Variants in CDKL5 observed in about 807,000 individuals in gnomAD.
CDKL5 encodes cyclin-dependent kinase-like 5.
A neutral mutation model predicts 61.7 loss-of-function variants in CDKL5; 8 were observed. That is an observed-to-expected ratio of 0.13 (90% CI 0.08 to 0.23). The LOEUF (loss-of-function observed/expected upper bound fraction) is 0.23. Ranked by LOEUF, CDKL5 falls within the 10% of genes least tolerant of loss-of-function variation. CDKL5 has a pLI of 1.00. For synonymous variants in CDKL5, 275 were observed against 272.3 expected, an observed-to-expected ratio of 1.01 and a Z score of -0.10; for missense variants, 440 against 734.5, an observed-to-expected ratio of 0.60 and a Z score of 4.63.
intron 1 of CDKL5, among the ~76,000 whole-genome samples, chrX:18,504,177 C>G (rs1367519576): frequency 9.0e-6 from 1 of 111,494 alleles, no homozygotes; most frequent in Non-Finnish European, 1.9e-5. Flanking sequence ...GCAATCACAG[C>G]TCACTGCAGC....
rs746374375 is a variant in CDKL5 at position 18,647,228 on chromosome X, T to G, written c.2797+1138T>G. The G allele has an allele frequency of 8.3e-7, 1 of 1,211,050 alleles. No homozygotes were observed. Among genetic ancestry groups the G allele is most frequent in the Admixed American group, 2.2e-5 (1 of 45,926 alleles). ...CTGTTGAGCCGGGCCTTGTTTGCAG[T>G]CCACGAAGAATACCAGCCCACATAC... is the stretch of plus-strand genomic sequence containing the variant. On this transcript the variant is annotated intron_variant, in intron 20 of 21. Coordinates refer to the CDKL5 transcript ENST00000379989.
At chrX:18,607,532 C>T (rs749215623) in intron 12 of CDKL5, among the ~76,000 whole-genome samples, 57 of 112,187 alleles carry the variant, frequency 5.1e-4, no homozygotes, top group African/African-American at 1.6e-3. Context: ...TGGTCATAAA[C>T]GAATTATAAA....
chrX:18,445,639 G>A (rs1602194465), intron 1 of CDKL5, among the ~76,000 whole-genome samples: 1 of 110,853 alleles, frequency 9.0e-6, no homozygotes, highest in Non-Finnish European at 1.9e-5. Context: ...GGTTTCCCCC[G>A]TGCTGTTCCT....
rs1927362474 is a variant in CDKL5, at chrX:18,635,560, T to A, written c.*6803T>A. ...AATCAGTTTGAGACAGAAATTAATG[T>A]AAAACTAGGCAAATCCTGTAACTTA... On this transcript the variant is annotated 3_prime_UTR_variant, in exon 18 of 18. Coordinates refer to ENST00000623535, the MANE Select transcript of CDKL5 (RefSeq NM_001323289.2). 1.3e-6 allele frequency: 1 copy of A among 749,796 alleles called. No individual in the cohort carries two copies. Among genetic ancestry groups the A allele is most frequent in the African/African-American group, 2.3e-5 (1 of 43,347 alleles). 61.8% of individuals were successfully genotyped at this position (749,796 alleles called of 1,213,427 possible).
chrX:18,613,117 A>G (rs1368549501), intron 14 of CDKL5, 35 bp from the exon 15 acceptor site: 4 of 1,107,231 alleles, frequency 3.6e-6, no homozygotes, highest in South Asian at 2.0e-5. Flanking sequence ...AAAAAAAAGA[A>G]AAGTCCATCA....
chrX:18,509,770 A>G (rs1922758442), intron 2 of CDKL5, among the ~76,000 whole-genome samples: 1 of 111,112 alleles, frequency 9.0e-6, no homozygotes, highest in Non-Finnish European at 1.9e-5. Context: ...GCCTTTGTGC[A>G]TGAACTGAGT....
At chrX:18,428,123 T>G (rs1410295299) in intron 1 of CDKL5, among the ~76,000 whole-genome samples, 2 of 111,932 alleles carry the variant, frequency 1.8e-5, no homozygotes, top group Admixed American at 9.6e-5. Context: ...ACTTTGAAGG[T>G]ACAGTATTGT....
chrX:18,605,717 T>C (rs1926342478), intron 12 of CDKL5, among the ~76,000 whole-genome samples: 1 of 112,988 alleles, frequency 8.9e-6, no homozygotes, highest in Admixed American at 9.3e-5. Flanking sequence ...ACAAAGTAAG[T>C]GTCTAACAAA....
intron 7 of CDKL5, 60 bp downstream of exon 7, chrX:18,582,010 G>C: frequency 1.2e-6 from 1 of 811,806 alleles, no homozygotes. Flanking sequence ...TAACACATAG[G>C]TAGCTTTTAA....
At chrX:18,482,683 T>C (rs1398637894) in intron 1 of CDKL5, among the ~76,000 whole-genome samples, 2 of 111,165 alleles carry the variant, frequency 1.8e-5, no homozygotes, top group Admixed American at 1.9e-4. Flanking sequence ...TCTTGTTTTT[T>C]TTTTTTTTTC....
rs1169585124 is a variant in CDKL5, at chrX:18,636,368, T to TATTATC, written c.*7616_*7617insCATTAT. 1 of 102,035 alleles carries TATTATC rather than the reference T, an allele frequency of 9.8e-6. No individual in the cohort carries two copies. The highest frequency in any genetic ancestry group is 1.9e-5 in the Non-Finnish European group (1 of 51,864). 8.4% of individuals were successfully genotyped at this position (102,035 alleles called of 1,213,427 possible). A position where few individuals can be genotyped will look rare whatever the true frequency, so the allele number is the denominator to read the frequency against. ...TTATTATTATTATTATTATTATTAT[T>TATTATC]ATTATTATTATTATTTTCACAACAA... On this transcript the variant is annotated 3_prime_UTR_variant, in exon 18 of 18. Transcript: ENST00000623535.
chrX:18,484,955 C>T (rs1236425035), intron 1 of CDKL5, among the ~76,000 whole-genome samples: 2 of 110,545 alleles, frequency 1.8e-5, no homozygotes, highest in Non-Finnish European at 3.8e-5. Context: ...GCCAGGGTCT[C>T]GCCATGTTGC....
At chrX:18,470,703 G>T (rs1250532503) in intron 1 of CDKL5, among the ~76,000 whole-genome samples, 1 of 112,074 alleles carries the variant, frequency 8.9e-6, no homozygotes, top group Non-Finnish European at 1.9e-5. Context: ...AGATCCTCCT[G>T]AGGTACTGGT....
chrX:18,631,993 G>A lies in CDKL5; in HGVS notation c.*3236G>A. The A allele has an allele frequency of 1.8e-6, 1 of 560,011 alleles. No homozygotes were observed. Among genetic ancestry groups the A allele is most frequent in the Non-Finnish European group, 2.2e-6 (1 of 461,973 alleles). 46.2% of individuals were successfully genotyped at this position (560,011 alleles called of 1,213,427 possible). Reference sequence around the variant, plus strand: ...GGTGATGGTATGCTACTGGCATCAAGTGGTTAGAGGCCACAGATGCTACTA... The same window carrying A: ...GGTGATGGTATGCTACTGGCATCAAATGGTTAGAGGCCACAGATGCTACTA... On this transcript the variant is annotated 3_prime_UTR_variant, in exon 18 of 18. Coordinates refer to ENST00000623535, the MANE Select transcript of CDKL5 (RefSeq NM_001323289.2).
chrX:18,553,950 G>A (rs140306214), intron 3 of CDKL5, among the ~76,000 whole-genome samples: 8 of 110,825 alleles, frequency 7.2e-5, no homozygotes, highest in Non-Finnish European at 1.1e-4. Context: ...TACTCTTAGC[G>A]TACCATTTAA....
chrX:18,431,285 A>C (rs148298793), intron 1 of CDKL5, among the ~76,000 whole-genome samples: 1,843 of 112,264 alleles, frequency 0.016, 40 homozygotes, highest in African/African-American at 0.056. Context: ...TAATCGATTA[A>C]AATCACTTTT....
In CDKL5 at chrX:18,639,271, C is replaced by T. The variant is rs1440357676; in HGVS notation, c.*10514C>T. Among the ~76,000 whole-genome samples, 1 of 112,241 alleles carries T rather than the reference C, an allele frequency of 8.9e-6. No homozygotes were observed. Among genetic ancestry groups the T allele is most frequent in the Non-Finnish European group, 1.9e-5 (1 of 53,242 alleles). The stretch of plus-strand genomic sequence containing the variant: ...TCCACAGAATGGGAGAAAATATTTG[C>T]AAATCATATCCAATAAGGGAATTAG... On this transcript the variant is annotated 3_prime_UTR_variant, in exon 18 of 18. Transcript: ENST00000623535.
At chrX:18,576,717 T>A (rs1925308655) in intron 5 of CDKL5, among the ~76,000 whole-genome samples, 1 of 111,041 alleles carries the variant, frequency 9.0e-6, no homozygotes, top group African/African-American at 3.3e-5. Context: ...TGCTTTATGT[T>A]CCTTTTCCAG....
chrX:18,546,584 G>A (rs1038257113), intron 3 of CDKL5, among the ~76,000 whole-genome samples: 5 of 111,681 alleles, frequency 4.5e-5, no homozygotes, highest in African/African-American at 1.6e-4. Flanking sequence ...TTCTTTCTTT[G>A]CCCAGCATGT....
Sources: gnomAD v4.1 joint callset for allele counts (sites outside exome capture counted in the v4.1 genomes callset) on GRCh38, gnomAD v4.1.1 for gene constraint, MANE v1.5 for transcripts, NCBI Gene and HGNC (gene_info 2026-07-23, HGNC 2026-07-21) for gene names.